SULF2: variants seen among roughly 807,000 people sequenced by gnomAD.
SULF2 encodes extracellular sulfatase Sulf-2.
In SULF2, 52 loss-of-function variants were observed where a neutral mutation model predicts 107.7. The observed-to-expected ratio is 0.48, with a 90% CI of 0.39 to 0.61. The LOEUF is 0.61. SULF2 is among the 20% of genes least tolerant of loss of function. The pLI, the probability that SULF2 is intolerant of heterozygous loss-of-function variation, is 0.00. For synonymous variants in SULF2, 460 were observed against 464.3 expected, an observed-to-expected ratio of 0.99 and a Z score of 0.12; for missense variants, 993 against 1,177.3, an observed-to-expected ratio of 0.84 and a Z score of 2.29.
intron 1 of SULF2, among the ~76,000 whole-genome samples, chr20:47,784,819 G>T (rs890346708): frequency 3.3e-4 from 50 of 152,240 alleles, no homozygotes; most frequent in Non-Finnish European, 7.3e-4. Context: ...GTTCTGCCCT[G>T]GCCTGGGAGG....
At chr20:47,677,417 TGTGTGTGTGTGTGC>T (rs1288708124) in intron 8 of SULF2, among the ~76,000 whole-genome samples, 1 of 145,158 alleles carries the variant, frequency 6.9e-6, no homozygotes, top group African/African-American at 2.5e-5. Flanking sequence ...TGTGTGTGTG[TGTGTGTGTGTGTGC>T]GCGCACACAC....
At chr20:47,774,556 C>A (rs1419789173) in intron 1 of SULF2, among the ~76,000 whole-genome samples, 1 of 152,206 alleles carries the variant, frequency 6.6e-6, no homozygotes, top group Non-Finnish European at 1.5e-5. Flanking sequence ...CCAGCAGCAC[C>A]TGAGCTATGG....
rs1204665891 is a variant in SULF2, at chr20:47,785,472, T to C, written c.-230A>G. The stretch of plus-strand genomic sequence containing the variant: ...CCGCTGCCGCCGCCGCCGCCGCCGC[T>C]GCCGCTGCTGCATCCCCCGGCGAGC... On this transcript the variant is annotated 5_prime_UTR_variant, in exon 1 of 21. Transcript: ENST00000688720. The C allele has an allele frequency of 2.9e-4, 44 of 149,842 alleles. No individual in the cohort carries two copies. The highest frequency in any genetic ancestry group is 3.6e-4 in the South Asian group (2 of 5,482). 9.3% of individuals were successfully genotyped at this position (149,842 alleles called of 1,614,324 possible).
chr20:47,735,850 G>A (rs1243524532), intron 3 of SULF2, among the ~76,000 whole-genome samples: 2 of 152,144 alleles, frequency 1.3e-5, no homozygotes, highest in Non-Finnish European at 2.9e-5. Flanking sequence ...CTGCGGACAG[G>A]GCTGGAGGAG....
At chr20:47,672,856 G>A (rs181325353) in intron 10 of SULF2, among the ~76,000 whole-genome samples, 227 of 152,228 alleles carry the variant, frequency 1.5e-3, no homozygotes, top group Middle Eastern at 0.01. Context: ...AGTATCCCCT[G>A]TGGGCTGCTG....
chr20:47,754,604 C>A (rs999484361), intron 2 of SULF2, among the ~76,000 whole-genome samples: 1 of 152,194 alleles, frequency 6.6e-6, no homozygotes, highest in Non-Finnish European at 1.5e-5. Context: ...TGACACAGGC[C>A]ACTGAACACC....
intron 7 of SULF2, among the ~76,000 whole-genome samples, chr20:47,681,440 G>C (rs546762994): frequency 1.3e-5 from 2 of 152,146 alleles, no homozygotes; most frequent in African/African-American, 2.4e-5. Flanking sequence ...TTCCGAGGCT[G>C]ACCAAACCCC....
At chr20:47,715,057 C>T (rs2089067966) in intron 3 of SULF2, among the ~76,000 whole-genome samples, 1 of 151,968 alleles carries the variant, frequency 6.6e-6, no homozygotes, top group African/African-American at 2.4e-5. Context: ...TAGCTGGGAC[C>T]ACAGGCACAA....
At position 47,757,303 on chromosome 20, in the gene SULF2, C is replaced by T. The variant is rs752507902; in HGVS notation, c.61G>A (p.Gly21Arg). ...LSATVFSLLGGSSAFLSHHRL... is the reference protein window; with the variant it reads ...LSATVFSLLGRSSAFLSHHRL... ...TGGTGCGACAGGAAGGCCGAGCTTC[C>T]ACCCAGCAGGGAGAACACAGTTGCG... The change falls in exon 2 of 21, where the codon GGA becomes AGA. Residue 21 changes from glycine to arginine, a missense_variant. Coordinates refer to ENST00000688720, the MANE Select transcript of SULF2 (RefSeq NM_001387048.1). The T allele has an allele frequency of 1.1e-5, 17 of 1,599,498 alleles. No homozygotes were observed. The highest frequency in any genetic ancestry group is 1.4e-5 in the Non-Finnish European group (17 of 1,172,806).
chr20:47,688,941 G>A (rs965866500), intron 5 of SULF2, among the ~76,000 whole-genome samples: 2 of 152,194 alleles, frequency 1.3e-5, no homozygotes, highest in African/African-American at 2.4e-5. Flanking sequence ...GCCCCAGAAT[G>A]TCACAGTAAG....
intron 3 of SULF2, among the ~76,000 whole-genome samples, chr20:47,715,731 G>A (rs369836272): frequency 1.3e-5 from 2 of 152,054 alleles, no homozygotes; most frequent in Non-Finnish European, 1.5e-5. Context: ...ACAGGTGTTC[G>A]CCACCATGCC....
intron 2 of SULF2, 115 bp from the exon 3 acceptor site, chr20:47,737,057 TACGGGGCAG>T: frequency 6.8e-7 from 1 of 1,481,388 alleles, no homozygotes; most frequent in East Asian, 2.3e-5. Flanking sequence ...TCTGCAGACC[TACGGGGCAG>T]ACGGGGCAGG....
rs528425341 is a variant in SULF2 at position 47,661,437 on chromosome 20, C to T, written c.2494+336G>A. ...ACAACACTGGCTCCACACAAGTCAG[C>T]GAGGATGGGGTCATCTTTAGTCAAC... On this transcript the variant is annotated intron_variant, in intron 18 of 20. Transcript: ENST00000688720. 2.8e-5 allele frequency: 5 copies of T among 175,478 alleles called. 1 individual carries two copies. In the South Asian group the frequency reaches 5.8e-4, roughly 20 times the overall value. The allele number at this position is 175,478 out of a possible 1,614,324, so 10.9% of individuals were successfully genotyped here. A position where few individuals can be genotyped will look rare whatever the true frequency, so the allele number is the denominator to read the frequency against.
intron 1 of SULF2, among the ~76,000 whole-genome samples, chr20:47,781,099 G>A (rs2090825289): frequency 7.0e-6 from 1 of 142,700 alleles, no homozygotes; most frequent in Non-Finnish European, 1.6e-5. Flanking sequence ...CACTGCCCCT[G>A]GCCCCCCGAA....
intron 2 of SULF2, among the ~76,000 whole-genome samples, chr20:47,742,083 C>T (rs113681500): frequency 8.9e-4 from 136 of 152,356 alleles, no homozygotes; most frequent in African/African-American, 3.2e-3. Context: ...CCCGGAATGA[C>T]AGCAGCATCT....
chr20:47,705,492 C>T (rs1402137504), intron 3 of SULF2, among the ~76,000 whole-genome samples: 9 of 152,142 alleles, frequency 5.9e-5, no homozygotes, highest in Admixed American at 5.9e-4. Context: ...ATGAGATTCC[C>T]GGGCAAGCTA....
At chr20:47,746,841 G>A (rs538185753) in intron 2 of SULF2, among the ~76,000 whole-genome samples, 2 of 151,886 alleles carry the variant, frequency 1.3e-5, no homozygotes, top group Non-Finnish European at 2.9e-5. Flanking sequence ...GTTGTGGGGT[G>A]GGGGGAGAGG....
At chr20:47,769,499 G>A (rs1367844566) in intron 1 of SULF2, among the ~76,000 whole-genome samples, 1 of 151,838 alleles carries the variant, frequency 6.6e-6, no homozygotes, top group African/African-American at 2.4e-5. Context: ...CACCTGGCCT[G>A]GGTTTTTATT....
In SULF2 at chr20:47,678,506, A is replaced by AGGGGACCATGCTTTTCTCCCAC; in HGVS notation, c.1193+169_1193+170insGTGGGAGAAAAGCATGGTCCCC. The AGGGGACCATGCTTTTCTCCCAC allele has an allele frequency of 1.3e-6, 1 of 768,566 alleles. No individual in the cohort carries two copies. The highest frequency in any genetic ancestry group is 2.6e-5 in the East Asian group (1 of 38,894). The allele number at this position is 768,566 out of a possible 1,614,324, so 47.6% of individuals were successfully genotyped here. A position where few individuals can be genotyped will look rare whatever the true frequency, so the allele number is the denominator to read the frequency against. ...CAGATGGGAAGACAGAATCTCGGAG[A>AGGGGACCATGCTTTTCTCCCAC]GGGGACCATGCTTCTCTCCCACAGC... On this transcript the variant is annotated intron_variant, in intron 8 of 20. Coordinates refer to ENST00000688720, the MANE Select transcript of SULF2 (RefSeq NM_001387048.1). The surrounding 1 kb of genome is among the most constrained non-coding windows in gnomAD (Gnocchi z 4.5).
Sources: allele counts gnomAD v4.1 joint callset (sites outside exome capture counted in the v4.1 genomes callset), GRCh38; gene constraint gnomAD v4.1.1; non-coding constraint Gnocchi (gnomAD v3.1); transcripts MANE v1.5; gene names NCBI Gene and HGNC (gene_info 2026-07-23, HGNC 2026-07-21).